The following UTRN variants were observed in gnomAD, a reference collection of about 807,000 sequenced individuals.
UTRN encodes the protein utrophin.
UTRN carries 283 observed loss-of-function variants against 463.9 expected under a neutral mutation model. The ratio of observed to expected loss-of-function variants is 0.61; its 90% CI spans 0.55 to 0.67. The LOEUF is 0.67. UTRN is among the 30% of genes least tolerant of loss of function. The pLI is 0.00. For synonymous variants in UTRN, 1,442 were observed against 1,431.5 expected (o/e 1.01, Z -0.17); for missense variants, 3,922 against 4,084.3 (o/e 0.96, Z 1.08).
At chr6:144,521,439 A>G (rs923282527) in intron 39 of UTRN, among the ~76,000 whole-genome samples, 1 of 152,210 alleles carries the variant, frequency 6.6e-6, no homozygotes, top group Non-Finnish European at 1.5e-5. Flanking sequence ...TTCCTGCTCT[A>G]TAATATTATT....
At chr6:144,748,572 C>A in intron 55 of UTRN, 58 bp downstream of exon 55, 1 of 1,563,148 alleles carries the variant, frequency 6.4e-7, no homozygotes. Context: ...AAATATAACA[C>A]AAATAAAGAG....
At chr6:144,417,407 G>T (rs1784444469) in intron 3 of UTRN, among the ~76,000 whole-genome samples, 1 of 152,112 alleles carries the variant, frequency 6.6e-6, no homozygotes, top group South Asian at 2.1e-4. Context: ...CTCCACATCA[G>T]TTTCTTCGCC....
At chr6:144,464,178 C>T (rs1005042534) in intron 23 of UTRN, among the ~76,000 whole-genome samples, 2 of 152,104 alleles carry the variant, frequency 1.3e-5, no homozygotes, top group African/African-American at 4.8e-5. Flanking sequence ...TTTTGAAAAT[C>T]AAAGTCAGAG....
At chr6:144,748,019 C>A (rs1790952398) in intron 54 of UTRN, among the ~76,000 whole-genome samples, 1 of 152,114 alleles carries the variant, frequency 6.6e-6, no homozygotes, top group African/African-American at 2.4e-5. Context: ...ATTTATTAAT[C>A]TCAGTAACTG....
intron 53 of UTRN, among the ~76,000 whole-genome samples, chr6:144,719,958 A>G (rs1029753016): frequency 1.3e-5 from 2 of 152,252 alleles, no homozygotes; most frequent in Admixed American, 6.5e-5. Flanking sequence ...TGCTATTTAA[A>G]GAAGGGGGGT....
At chr6:144,827,507 C>T (rs2128756250) in intron 67 of UTRN, 104 bp from the exon 68 acceptor site, 5 of 1,590,150 alleles carry the variant, frequency 3.1e-6, no homozygotes, top group Non-Finnish European at 3.4e-6. Context: ...TCCTAGTGGT[C>T]TGTTTGCATG....
At chr6:144,477,442 A>G (rs1050110832) in intron 25 of UTRN, among the ~76,000 whole-genome samples, 2 of 152,266 alleles carry the variant, frequency 1.3e-5, no homozygotes, top group South Asian at 2.1e-4. Context: ...AAGTTAAAGA[A>G]TGATAAAAAG....
intron 57 of UTRN, among the ~76,000 whole-genome samples, chr6:144,756,812 G>C (rs974143671): frequency 6.6e-6 from 1 of 152,098 alleles, no homozygotes; most frequent in Non-Finnish European, 1.5e-5. Flanking sequence ...TTCAGAAATT[G>C]AGATCACATC....
intron 30 of UTRN, 21 bp downstream of exon 30, chr6:144,488,855 G>T (rs752732488): frequency 5.1e-6 from 8 of 1,563,650 alleles, no homozygotes; most frequent in Non-Finnish European, 7.0e-6. Flanking sequence ...GCATTTGAGG[G>T]CTTTTGAGCT....
chr6:144,570,358 A>C (rs1049065687), intron 50 of UTRN, among the ~76,000 whole-genome samples: 5 of 152,184 alleles, frequency 3.3e-5, no homozygotes, highest in African/African-American at 1.2e-4. Flanking sequence ...TAAATAACAT[A>C]TGAAGTGTGA....
At chr6:144,487,976 A>C (rs1240293579) in intron 29 of UTRN, among the ~76,000 whole-genome samples, 1 of 152,234 alleles carries the variant, frequency 6.6e-6, no homozygotes, top group Non-Finnish European at 1.5e-5. Flanking sequence ...AGCTGTATAT[A>C]AGAACAACAA....
In UTRN at chr6:144,436,133, C is replaced by T. The variant is rs761045708; in HGVS notation, c.1054C>T (p.His352Tyr). 9 of 1,613,158 alleles carry T rather than the reference C, an allele frequency of 5.6e-6. No individual in the cohort carries two copies. Among genetic ancestry groups the T allele is most frequent in the Non-Finnish European group, 7.6e-6 (9 of 1,179,792 alleles). ...AGAAGTCAAAGACCAGTTTGCAACC[C>T]ATGAAGTAAATATCTGTAGTTTCTT... The part of the protein sequence containing the change: ...VEEVKDQFAT[H>Y]EAFMMELTAH... Residue 352 changes from histidine (H) to tyrosine (Y), a missense_variant, in exon 10 of 75, where the codon CAT becomes TAT. By Grantham distance (83) the His-to-Tyr change is moderately conservative. Transcript: ENST00000367545.
chr6:144,839,704 C>T (rs1400660669), intron 72 of UTRN, among the ~76,000 whole-genome samples: 1 of 152,266 alleles, frequency 6.6e-6, no homozygotes, highest in East Asian at 1.9e-4. Flanking sequence ...CACTTTTCTT[C>T]GTCCTAGTCC....
intron 58 of UTRN, among the ~76,000 whole-genome samples, chr6:144,771,030 G>A (rs1239525695): frequency 1.3e-5 from 2 of 152,210 alleles, no homozygotes; most frequent in Non-Finnish European, 1.5e-5. Context: ...TTAAGGTGTA[G>A]TGACTCCCAC....
At chr6:144,374,477 A>G (rs1780269776) in intron 2 of UTRN, among the ~76,000 whole-genome samples, 1 of 150,672 alleles carries the variant, frequency 6.6e-6, no homozygotes, top group African/African-American at 2.4e-5. Context: ...CCCCATCTCT[A>G]CTAAAAACAC....
intron 2 of UTRN, among the ~76,000 whole-genome samples, chr6:144,308,190 G>A (rs1805921967): frequency 6.6e-6 from 1 of 152,026 alleles, no homozygotes; most frequent in African/African-American, 2.4e-5. Flanking sequence ...TAGTGATTTG[G>A]GTGTAAACAT....
At chr6:144,460,343 A>C in intron 21 of UTRN, among the ~76,000 whole-genome samples, 1 of 152,232 alleles carries the variant, frequency 6.6e-6, no homozygotes, top group East Asian at 1.9e-4. Context: ...TGTGAAATGC[A>C]TTGAGCATTG....
At chr6:144,446,859 C>G (rs77071863) in intron 14 of UTRN, among the ~76,000 whole-genome samples, 11,212 of 152,260 alleles carry the variant, frequency 0.074, 525 homozygotes, top group Admixed American at 0.16. Flanking sequence ...TGGGACAAGA[C>G]AATCTCCGAG....
chr6:144,479,487 T>C (rs555400258), intron 25 of UTRN, among the ~76,000 whole-genome samples: 4 of 152,324 alleles, frequency 2.6e-5, no homozygotes, highest in Admixed American at 6.5e-5. Flanking sequence ...ACATTAAATT[T>C]ACTTCATATA....
Sources: gnomAD v4.1 joint callset for allele counts (sites outside exome capture counted in the v4.1 genomes callset) on GRCh38, gnomAD v4.1.1 for gene constraint, MANE v1.5 for transcripts, NCBI Gene and HGNC (gene_info 2026-07-23, HGNC 2026-07-21) for gene names.